The following PTPRU variants were observed in gnomAD, a reference collection of about 807,000 sequenced individuals.
The protein encoded by PTPRU is protein tyrosine phosphatase receptor type U, also known as receptor-type tyrosine-protein phosphatase U.
A neutral mutation model predicts 166.3 loss-of-function variants in PTPRU; 69 were observed. That is an observed-to-expected ratio of 0.41 (90% confidence interval 0.34 to 0.51). PTPRU has a LOEUF of 0.51. Among genes scored for constraint, PTPRU ranks in the 20% least tolerant of loss-of-function variants. The pLI is 0.09. For missense variants in PTPRU, 1,657 were observed against 2,013.7 expected (o/e 0.82, Z 3.39); for synonymous variants, 793 against 814.0 (o/e 0.97, Z 0.44).
intron 8 of PTPRU, among the ~76,000 whole-genome samples, chr1:29,277,579 C>T (rs1222487118): frequency 6.6e-6 from 1 of 152,168 alleles, no homozygotes; most frequent in Middle Eastern, 3.4e-3. Flanking sequence ...TATTCTGTTG[C>T]TGTTGAATGC....
At chr1:29,275,378 C>G in intron 7 of PTPRU, 70 bp from the exon 8 acceptor site, 1 of 1,440,890 alleles carries the variant, frequency 6.9e-7, no homozygotes, top group Non-Finnish European at 9.4e-7. Flanking sequence ...GATGCTTTCT[C>G]TCCCTGTTCT....
Position 29,279,519 on chromosome 1 carries a change from A to G in PTPRU, c.1627A>G (p.Ile543Val). Reference sequence around the variant, plus strand: ...GAACGTGCCAGGCCCACGACGTACCATCTCCAAGCTCCGCAATGAGACCTA... The same window carrying G: ...GAACGTGCCAGGCCCACGACGTACCGTCTCCAAGCTCCGCAATGAGACCTA... Reference protein sequence around the residue: ...AVNVPGPRRTISKLRNETYHV... With the variant: ...AVNVPGPRRTVSKLRNETYHV... The change falls in exon 10 of 30, where the codon ATC becomes GTC. Residue 543 changes from isoleucine to valine, a missense_variant. By Grantham distance (29) the Ile-to-Val change is conservative. Coordinates refer to ENST00000373779, the MANE Select transcript of PTPRU (RefSeq NM_133178.4). This position sits in a 1 kb window ranked among gnomAD's most constrained non-coding sequence, Gnocchi z 5.2. 6.2e-7 allele frequency: 1 copy of G among 1,614,126 alleles called. No individual in the cohort carries two copies. Among genetic ancestry groups the G allele is most frequent in the Non-Finnish European group, 8.5e-7 (1 of 1,180,006 alleles).
At chr1:29,310,653 G>T (rs1687611629) in intron 18 of PTPRU, 91 bp from the exon 19 acceptor site, 10 of 1,376,496 alleles carry the variant, frequency 7.3e-6, no homozygotes, top group Non-Finnish European at 1.0e-5. Flanking sequence ...TGGGGTAGGG[G>T]TTCTGCTGCT....
At chr1:29,262,684 A>C (rs1423124174) in intron 7 of PTPRU, among the ~76,000 whole-genome samples, 1 of 152,290 alleles carries the variant, frequency 6.6e-6, no homozygotes, top group East Asian at 1.9e-4. Flanking sequence ...GGGTCTTGGA[A>C]TGTGTCCCCT....
chr1:29,310,814 A>T, intron 19 of PTPRU, 34 bp downstream of exon 19: 1 of 1,605,468 alleles, frequency 6.2e-7, no homozygotes, highest in Non-Finnish European at 8.5e-7. Context: ...GCGCCTTCCC[A>T]TGTGCCTCCC....
chr1:29,284,902 G>T (rs756765668), intron 14 of PTPRU, 33 bp downstream of exon 14: 9 of 1,582,442 alleles, frequency 5.7e-6, no homozygotes, highest in African/African-American at 1.3e-5. Flanking sequence ...CCCACCAGTG[G>T]CTTCTACCCC....
intron 15 of PTPRU, among the ~76,000 whole-genome samples, chr1:29,294,531 GTTAT>G (rs1686794833): frequency 6.6e-6 from 1 of 152,036 alleles, no homozygotes; most frequent in South Asian, 2.1e-4. Context: ...ATCTTCCTAG[GTTAT>G]TTATAGTGTC....
At chr1:29,282,625 C>T (rs1219368175) in intron 11 of PTPRU, 51 bp from the exon 12 acceptor site, 2 of 1,563,934 alleles carry the variant, frequency 1.3e-6, no homozygotes, top group South Asian at 2.4e-5. Flanking sequence ...AGCTGGCTCT[C>T]CCAGTCCTCT....
At chr1:29,292,538 A>C (rs1368969388) in intron 15 of PTPRU, among the ~76,000 whole-genome samples, 2 of 152,190 alleles carry the variant, frequency 1.3e-5, no homozygotes, top group African/African-American at 4.8e-5. Context: ...ATGTGTGCAA[A>C]ATCACTTAGG....
chr1:29,239,166 C>T (rs1233324704), intron 1 of PTPRU, among the ~76,000 whole-genome samples: 2 of 152,130 alleles, frequency 1.3e-5, no homozygotes, highest in Admixed American at 6.5e-5. Flanking sequence ...CTTTGTTATT[C>T]TTAGAGATGA....
In PTPRU at chr1:29,291,943, G is replaced by A; in HGVS notation, c.2393G>A (p.Arg798His). 5.6e-6 allele frequency: 9 copies of A among 1,614,138 alleles called. No individual in the cohort carries two copies. Among genetic ancestry groups the A allele is most frequent in the African/African-American group, 1.3e-5 (1 of 75,024 alleles). Residue 798 changes from arginine (R) to histidine (H), a missense_variant, in exon 15 of 30, where the codon CGC (arginine) becomes CAC (histidine). Around this residue, in one of 3 missense-constraint regions of PTPRU, gnomAD observed 1,190 missense variants for 1,477.4 expected, o/e 0.81. Transcript: ENST00000373779. The surrounding 1 kb of genome is among the most constrained non-coding windows in gnomAD (Gnocchi z 4.1). ...EKTHMMSAVD[R>H]SFTDQSTLQE... Reference sequence around the variant, plus strand: ...ACACACATGATGAGCGCCGTGGACCGCAGCTTCACAGACCAGAGCACCCTG... The same window carrying A: ...ACACACATGATGAGCGCCGTGGACCACAGCTTCACAGACCAGAGCACCCTG...
intron 1 of PTPRU, among the ~76,000 whole-genome samples, chr1:29,245,908 T>A (rs183607731): frequency 1.4e-4 from 21 of 152,220 alleles, no homozygotes; most frequent in Non-Finnish European, 2.8e-4. Context: ...CTACATTGCA[T>A]TGGGCACATG....
At position 29,307,202 on chromosome 1, in the gene PTPRU, G is replaced by A; in HGVS notation, c.2820+1774G>A. On this transcript the variant is annotated intron_variant, in intron 18 of 29. Coordinates refer to ENST00000373779, the MANE Select transcript of PTPRU (RefSeq NM_133178.4). ...TCCTCTTCCTCCTGTCTGTCTGACT[G>A]GCTGTATCTCAGACTCTCTCACGGT... is the stretch of plus-strand genomic sequence containing the variant. 3.8e-6 allele frequency: 6 copies of A among 1,574,366 alleles called. No individual in the cohort carries two copies. The Admixed American group carries it at 8.4e-5, about 22-fold the overall frequency.
chr1:29,282,569 T>C, intron 11 of PTPRU, 107 bp from the exon 12 acceptor site: 2 of 1,408,552 alleles, frequency 1.4e-6, no homozygotes, highest in Non-Finnish European at 1.9e-6. Context: ...GTGTGGAAGT[T>C]AGTCCCCAGG....
intron 1 of PTPRU, among the ~76,000 whole-genome samples, chr1:29,239,122 G>A (rs1683921429): frequency 6.6e-6 from 1 of 152,150 alleles, no homozygotes; most frequent in Non-Finnish European, 1.5e-5. Context: ...TGTGATGTCT[G>A]GCAAATCACC....
intron 1 of PTPRU, among the ~76,000 whole-genome samples, chr1:29,253,008 G>A (rs1031597292): frequency 6.6e-6 from 1 of 152,134 alleles, no homozygotes; most frequent in African/African-American, 2.4e-5. Flanking sequence ...TGGCCGACCC[G>A]CTGCAGGTTG....
chr1:29,241,708 C>T (rs1032514317), intron 1 of PTPRU, among the ~76,000 whole-genome samples: 36 of 151,408 alleles, frequency 2.4e-4, no homozygotes, highest in Non-Finnish European at 4.9e-4. Flanking sequence ...GATTCTCCTG[C>T]CTCAGCCTCC....
chr1:29,273,721 G>A (rs879233315), intron 7 of PTPRU, among the ~76,000 whole-genome samples: 1 of 152,142 alleles, frequency 6.6e-6, no homozygotes. Flanking sequence ...TTATTTATAA[G>A]ATGGGGATAG....
rs1231582319 is a variant in PTPRU at position 29,311,769 on chromosome 1, C to T, written c.3072+10C>T. On this transcript the variant is annotated intron_variant, in intron 21 of 29. Coordinates refer to ENST00000373779, the MANE Select transcript of PTPRU (RefSeq NM_133178.4). This position sits in a 1 kb window ranked among gnomAD's most constrained non-coding sequence, Gnocchi z 4.1. Reference sequence around the variant, plus strand: ...TTTTGCCCTGGAGCGGGTGAGTCTCCCCACCGCCTGTTCCCTGCAGAGGGT... The same window carrying T: ...TTTTGCCCTGGAGCGGGTGAGTCTCTCCACCGCCTGTTCCCTGCAGAGGGT... 13 of 1,609,932 alleles carry T rather than the reference C, an allele frequency of 8.1e-6. No homozygotes were observed. The highest frequency in any genetic ancestry group is 1.1e-5 in the Non-Finnish European group (13 of 1,176,906).
Sources: gnomAD v4.1 joint callset for allele counts (sites outside exome capture counted in the v4.1 genomes callset) on GRCh38, gnomAD v4.1.1 for gene constraint, gnomAD v4.1.1 regional missense constraint, Gnocchi (gnomAD v3.1) non-coding constraint, MANE v1.5 for transcripts, NCBI Gene and HGNC (gene_info 2026-07-23, HGNC 2026-07-21) for gene names.